Variants in SEC16A observed in about 807,000 individuals in gnomAD.
SEC16A encodes SEC16 homolog A, endoplasmic reticulum export factor, also known as protein transport protein Sec16A.
A neutral mutation model predicts 221.9 loss-of-function variants in SEC16A; 110 were observed. The ratio of observed to expected loss-of-function variants is 0.50; its 90% CI spans 0.42 to 0.58. SEC16A has a LOEUF of 0.58. Ranked by LOEUF, SEC16A falls within the 20% of genes least tolerant of loss-of-function variation. The pLI, the probability that SEC16A is intolerant of heterozygous loss-of-function variation, is 0.00. For missense variants in SEC16A, 3,165 were observed against 3,097.8 expected (o/e 1.02, Z -0.52); for synonymous variants, 1,393 against 1,257.7 (o/e 1.11, Z -2.28).
chr9:136,451,501 A>C, intron 22 of SEC16A, 93 bp from the exon 23 acceptor site: 2 of 1,385,190 alleles, frequency 1.4e-6, no homozygotes, highest in South Asian at 2.9e-5. Flanking sequence ...GTGTTTCCTA[A>C]ATACATCACT....
chr9:136,453,595 C>A, intron 21 of SEC16A, 85 bp from the exon 22 acceptor site: 1 of 1,037,244 alleles, frequency 9.6e-7, no homozygotes, highest in Non-Finnish European at 1.5e-6. Context: ...AGGCACACCA[C>A]CTTCCCACCC....
intron 23 of SEC16A, chr9:136,448,411 G>C (rs1367604818): frequency 2.9e-6 from 2 of 699,114 alleles, no homozygotes; most frequent in East Asian, 2.7e-5. Context: ...CAGGAGGATG[G>C]AGGTGGGGGG....
At chr9:136,446,298 G>A (rs974870892) in intron 28 of SEC16A, among the ~76,000 whole-genome samples, 6 of 151,272 alleles carry the variant, frequency 4.0e-5, no homozygotes, top group Admixed American at 1.3e-4. Context: ...TAGTAGAGAT[G>A]GGGTTTCACC....
chr9:136,470,705 G>A (rs1840738411), intron 4 of SEC16A, among the ~76,000 whole-genome samples: 1 of 152,208 alleles, frequency 6.6e-6, no homozygotes, highest in Non-Finnish European at 1.5e-5. Context: ...GGCCAGCTGC[G>A]TGGGCAGAGG....
chr9:136,453,069 CA>C (rs372314249), intron 22 of SEC16A, among the ~76,000 whole-genome samples: 51 of 64,798 alleles, frequency 7.9e-4, no homozygotes, highest in African/African-American at 1.3e-3. Flanking sequence ...GAATCTGTCT[CA>C]AAAAAAAAAA....
intron 8 of SEC16A, among the ~76,000 whole-genome samples, chr9:136,465,513 A>G (rs147675179): frequency 5.9e-4 from 89 of 150,946 alleles, no homozygotes; most frequent in African/African-American, 2.1e-3. Flanking sequence ...GTAACTTTAT[A>G]TCTTTACGTA....
intron 21 of SEC16A, 65 bp downstream of exon 21, chr9:136,454,044 C>T (rs183189491): frequency 1.4e-6 from 2 of 1,385,516 alleles, no homozygotes; most frequent in African/African-American, 2.9e-5. Context: ...TCTCTTCCAC[C>T]AATCCCCACA....
In SEC16A at chr9:136,475,608, A is replaced by C. The variant is rs199511844; in HGVS notation, c.2008T>G (p.Cys670Gly). The change falls in exon 3 of 32, where the codon TGT becomes GGT. Residue 670 changes from cysteine to glycine, a missense_variant. Physicochemically the swap from Cys to Gly is radical, Grantham distance 159 (BLOSUM62 -3). Around this residue, in one of 3 missense-constraint regions of SEC16A, gnomAD observed 2,030 missense variants for 1,923.1 expected, o/e 1.06. Coordinates refer to ENST00000684901, the MANE Select transcript of SEC16A (RefSeq NM_014866.2). The surrounding 1 kb of genome is among the most constrained non-coding windows in gnomAD (Gnocchi z 5.0). ...EQPPDNMETL[C>G]APQVCPLPLN... Reference sequence around the variant, plus strand: ...GGCAGGGGACAGACCTGGGGTGCACAGAGGGTCTCCATGTTGTCTGGTGGC... The same window carrying C: ...GGCAGGGGACAGACCTGGGGTGCACCGAGGGTCTCCATGTTGTCTGGTGGC... 1.7e-4 allele frequency: 282 copies of C among 1,613,694 alleles called. 1 individual carries two copies. Among genetic ancestry groups the C allele is most frequent in the Admixed American group, 1.5e-3 (93 of 60,002 alleles).
At position 136,463,029 on chromosome 9, in the gene SEC16A, T is replaced by C. The variant is rs1839711979; in HGVS notation, c.4751A>G (p.Asn1584Ser). 1 of 1,612,436 alleles carries C rather than the reference T, an allele frequency of 6.2e-7. No homozygotes were observed. Among genetic ancestry groups the C allele is most frequent in the Non-Finnish European group, 8.5e-7 (1 of 1,179,884 alleles). The change falls in exon 12 of 32, where the codon AAT (asparagine) becomes AGT (serine). Residue 1584 changes from asparagine to serine, a missense_variant. Transcript: ENST00000684901. The part of the protein sequence containing the change: ...PNEANLIDFT[N>S]EAVEQVEEEE... ...CTCTTCCACCTGCTCCACTGCCTCATTCGTGAAATCAATCAGGTTTGCTTC... is the reference window on the plus strand; with the variant it reads ...CTCTTCCACCTGCTCCACTGCCTCACTCGTGAAATCAATCAGGTTTGCTTC...
chr9:136,477,151 C>T lies in SEC16A; in HGVS notation c.465G>A (p.Leu155=). The change falls in exon 3 of 32, where the codon CTG becomes CTA. Residue 155 remains leucine, a synonymous_variant. Transcript: ENST00000684901. ...GPSSEPEVQT[L]PYLPHYIPGV... is the part of the protein sequence containing the mutation. Reference sequence around the variant, plus strand: ...CTGGAATGTAGTGAGGAAGATATGGCAGAGTCTGAACTTCAGGCTCTGAAC... The same window carrying T: ...CTGGAATGTAGTGAGGAAGATATGGTAGAGTCTGAACTTCAGGCTCTGAAC... The T allele has an allele frequency of 6.2e-7, 1 of 1,613,832 alleles. No homozygotes were observed. The highest frequency in any genetic ancestry group is 8.5e-7 in the Non-Finnish European group (1 of 1,179,884).
chr9:136,446,278 G>T (rs983450567), intron 28 of SEC16A, among the ~76,000 whole-genome samples: 21 of 144,662 alleles, frequency 1.5e-4, no homozygotes, highest in African/African-American at 4.6e-4. Flanking sequence ...GGTAAATTTT[G>T]TTTTTTTTTT....
Position 136,477,222 on chromosome 9 carries a change from C to T in SEC16A, c.394G>A (p.Ala132Thr). 6.2e-7 allele frequency: 1 copy of T among 1,613,902 alleles called. No homozygotes were observed. Among genetic ancestry groups the T allele is most frequent in the Non-Finnish European group, 8.5e-7 (1 of 1,179,896 alleles). The change falls in exon 3 of 32, where the codon GCA (alanine) becomes ACA (threonine). Residue 132 changes from alanine to threonine, a missense_variant. Ala to Thr is a moderately conservative substitution (Grantham distance 58). Around this residue, in one of 3 missense-constraint regions of SEC16A, gnomAD observed 2,030 missense variants for 1,923.1 expected, o/e 1.06. Transcript: ENST00000684901. ...SPFSGALTPS[A>T]PPGPEMNRSA... is the part of the protein sequence containing the mutation. ...CTGTTCATCTCAGGCCCAGGAGGTG[C>T]TGAAGGTGTCAATGCACCAGAAAAC...
At chr9:136,452,290 T>A (rs1390523413) in intron 22 of SEC16A, among the ~76,000 whole-genome samples, 2 of 139,328 alleles carry the variant, frequency 1.4e-5, no homozygotes, top group Admixed American at 1.4e-4. Context: ...CTACTAAAAA[T>A]ACAAAAAAAA....
At chr9:136,460,154 T>C (rs1839281123) in intron 13 of SEC16A, 31 bp from the exon 14 acceptor site, 4 of 1,558,188 alleles carry the variant, frequency 2.6e-6, no homozygotes, top group Non-Finnish European at 3.5e-6. Flanking sequence ...AAAGACCCCA[T>C]GCTGGCTCAG....
intron 17 of SEC16A, among the ~76,000 whole-genome samples, chr9:136,458,550 C>A (rs1839035521): frequency 1.3e-5 from 2 of 150,884 alleles, no homozygotes; most frequent in South Asian, 4.2e-4. Flanking sequence ...ATGGCGTGAA[C>A]TCAGAAAGCA....
rs750071670 is a variant in SEC16A at position 136,459,195 on chromosome 9, G to C, written c.5348C>G (p.Thr1783Arg). ...GGACTGGGCGTACTCATAGGCTTCC[G>C]TCCTCTGGATTGCTTCGTTGGTTGC... Reference protein sequence around the residue: ...KFATNEAIQRTEAYEYAQSLG... With the variant: ...KFATNEAIQRREAYEYAQSLG... The change falls in exon 17 of 32, where the codon ACG becomes AGG. Residue 1783 changes from threonine (T) to arginine (R), a missense_variant. Transcript: ENST00000684901. This position sits in a 1 kb window ranked among gnomAD's most constrained non-coding sequence, Gnocchi z 6.1. The C allele has an allele frequency of 6.2e-7, 1 of 1,613,886 alleles. No individual in the cohort carries two copies. Among genetic ancestry groups the C allele is most frequent in the Non-Finnish European group, 8.5e-7 (1 of 1,179,796 alleles).
intron 29 of SEC16A, among the ~76,000 whole-genome samples, chr9:136,445,429 A>G (rs1326308389): frequency 6.6e-6 from 1 of 152,206 alleles, no homozygotes. Context: ...CTGAGGCGAC[A>G]ACTCAAACCC....
chr9:136,460,149 C>T, intron 13 of SEC16A, 26 bp from the exon 14 acceptor site: 2 of 1,566,294 alleles, frequency 1.3e-6, no homozygotes, highest in South Asian at 2.3e-5. Context: ...CACAGAAAGA[C>T]CCCATGCTGG....
chr9:136,453,437 A>T lies in SEC16A; in HGVS notation c.6150T>A (p.Phe2050Leu). Residue 2050 changes from phenylalanine to leucine, a missense_variant, in exon 22 of 32, where the codon TTT (phenylalanine) becomes TTA (leucine). Physicochemically the swap from Phe to Leu is conservative, Grantham distance 22. Transcript: ENST00000684901. Reference protein sequence around the residue: ...ELSEENFDGKFANLTPSRTVP... With the variant: ...ELSEENFDGKLANLTPSRTVP... ...AAATGTGACAAAGTACCAGATTAGC[A>T]AATTTTCCATCAAAATTTTCTTCGC... 6.2e-7 allele frequency: 1 copy of T among 1,613,024 alleles called. No homozygotes were observed.
Sources: allele counts gnomAD v4.1 joint callset (sites outside exome capture counted in the v4.1 genomes callset), GRCh38; gene constraint gnomAD v4.1.1; regional missense constraint gnomAD v4.1.1; non-coding constraint Gnocchi (gnomAD v3.1); transcripts MANE v1.5; gene names NCBI Gene and HGNC (gene_info 2026-07-23, HGNC 2026-07-21).